MALRD1: variants seen among roughly 807,000 people sequenced by gnomAD.
MALRD1 encodes the protein MAM and LDL receptor class A domain containing 1, also known as MAM and LDL-receptor class A domain-containing protein 1.
In MALRD1, 247 loss-of-function variants were observed where a neutral mutation model predicts 242.1. The observed-to-expected ratio is 1.02, with a 90% CI of 0.92 to 1.13. MALRD1 has a LOEUF of 1.13. Among genes scored for constraint, MALRD1 ranks in the 50% most tolerant of loss-of-function variants. MALRD1 has a pLI of 0.00. For missense variants in MALRD1, 2,989 were observed against 2,533.1 expected (o/e 1.18, Z -3.86); for synonymous variants, 995 against 866.6 (o/e 1.15, Z -2.60).
chr10:19,107,353 A>G (rs971902957), intron 5 of MALRD1, among the ~76,000 whole-genome samples: 1 of 151,906 alleles, frequency 6.6e-6, no homozygotes, highest in Non-Finnish European at 1.5e-5. Flanking sequence ...TCCTTTTTCT[A>G]AATGGATCCC....
At chr10:19,280,728 A>G (rs1225827268) in intron 20 of MALRD1, among the ~76,000 whole-genome samples, 1 of 152,226 alleles carries the variant, frequency 6.6e-6, no homozygotes, top group Admixed American at 6.5e-5. Context: ...CTGCCAATTC[A>G]ATGGTACCTG....
intron 21 of MALRD1, among the ~76,000 whole-genome samples, chr10:19,316,101 T>C (rs1488073730): frequency 5.3e-5 from 8 of 150,338 alleles, no homozygotes; most frequent in Non-Finnish European, 1.0e-4. Flanking sequence ...AGGAAACTCC[T>C]TAGTAAATTT....
chr10:19,241,932 ATC>A (rs1478931150), intron 18 of MALRD1, among the ~76,000 whole-genome samples: 1 of 152,120 alleles, frequency 6.6e-6, no homozygotes, highest in Non-Finnish European at 1.5e-5. Context: ...TTCATATGAT[ATC>A]TGTCTTCTTA....
chr10:19,164,567 G>A lies in MALRD1; in HGVS notation c.1657-1070G>A, dbSNP rs550493761. Among the ~76,000 whole-genome samples, 115 of 152,230 alleles carry A rather than the reference G, an allele frequency of 7.6e-4. 1 individual carries two copies. Among genetic ancestry groups the A allele is most frequent in the African/African-American group, 2.6e-3 (107 of 41,552 alleles). ...CTTAGGACCTGTTATATGATAATGA[G>A]AAGAGGCAAAAACATTTGACTGCAG... On this transcript the variant is annotated intron_variant, in intron 12 of 39. Transcript: ENST00000454679.
At chr10:19,101,894 ATT>A (rs1836273855) in intron 4 of MALRD1, among the ~76,000 whole-genome samples, 1 of 137,576 alleles carries the variant, frequency 7.3e-6, no homozygotes, top group African/African-American at 2.6e-5. Flanking sequence ...ATTAATATAT[ATT>A]AATATATAAT....
At chr10:19,724,143 G>C (rs1834904356) in intron 38 of MALRD1, among the ~76,000 whole-genome samples, 1 of 152,016 alleles carries the variant, frequency 6.6e-6, no homozygotes, top group African/African-American at 2.4e-5. Context: ...ATGAACTATT[G>C]TAACAGTGTT....
rs142325748 is a variant in MALRD1 at position 19,665,548 on chromosome 10, A to G, written c.6138-26734A>G. On this transcript the variant is annotated intron_variant, in intron 36 of 39. Transcript: ENST00000454679. ...ATTGCCTCAAAGTGATCCTTTTTCC[A>G]AAGTGGCACATTTTAGGGTGACATA... Among the ~76,000 whole-genome samples the G allele has an allele frequency of 1.2e-3, 181 of 152,126 alleles. 2 individuals are homozygous for G. In the East Asian group the frequency reaches 0.028, roughly 24 times the overall value.
chr10:19,383,163 T>C (rs924513353), intron 26 of MALRD1, among the ~76,000 whole-genome samples: 1 of 152,136 alleles, frequency 6.6e-6, no homozygotes, highest in African/African-American at 2.4e-5. Flanking sequence ...GTAATCAACA[T>C]AGTACCTGAT....
chr10:19,108,402 T>C (rs1294715355), intron 5 of MALRD1, among the ~76,000 whole-genome samples: 2 of 15,018 alleles, frequency 1.3e-4, no homozygotes, highest in Non-Finnish European at 1.1e-4. Flanking sequence ...TTTTTTTTTT[T>C]TTTTTTTTTT....
In MALRD1 at chr10:19,448,912, A is replaced by G. The variant is rs137946459; in HGVS notation, c.4846-1395A>G. ...ACTGAATTCACTTCATAAATCCTTT[A>G]TTACATCCATCAGGGATAAGTGATT... On this transcript the variant is annotated intron_variant, in intron 28 of 39. Transcript: ENST00000454679. Among the ~76,000 whole-genome samples the G allele has an allele frequency of 2.1e-3, 320 of 152,144 alleles. 1 individual carries two copies. The highest frequency in any genetic ancestry group is 7.3e-3 in the African/African-American group (303 of 41,520).
chr10:19,688,308 C>G (rs1179681638), intron 36 of MALRD1, among the ~76,000 whole-genome samples: 6 of 151,806 alleles, frequency 4.0e-5, no homozygotes, highest in Non-Finnish European at 8.8e-5. Flanking sequence ...CTTGCTCTGT[C>G]ACCCATGTTG....
At chr10:19,145,151 C>G (rs185857066) in intron 10 of MALRD1, among the ~76,000 whole-genome samples, 2 of 152,082 alleles carry the variant, frequency 1.3e-5, no homozygotes, top group South Asian at 2.1e-4. Flanking sequence ...TTCTCGAAAG[C>G]AGAAATCAAG....
chr10:19,238,535 TATATA>T (rs1838578940), intron 18 of MALRD1, among the ~76,000 whole-genome samples: 2 of 69,858 alleles, frequency 2.9e-5, no homozygotes, highest in Non-Finnish European at 5.9e-5. Flanking sequence ...TAATATACAT[TATATA>T]TAATATATAA....
chr10:19,441,594 G>A (rs566320570), intron 28 of MALRD1, among the ~76,000 whole-genome samples: 4 of 152,096 alleles, frequency 2.6e-5, no homozygotes, highest in South Asian at 4.1e-4. Flanking sequence ...TTATTAAATA[G>A]GGAATCCTTC....
At chr10:19,491,370 G>A in intron 29 of MALRD1, 147 bp from the exon 30 acceptor site, 1 of 929,656 alleles carries the variant, frequency 1.1e-6, no homozygotes, top group Non-Finnish European at 1.6e-6. Flanking sequence ...GACTGAGAAA[G>A]AGGAAGTTGG....
chr10:19,471,492 G>T (rs1273158401), intron 29 of MALRD1, among the ~76,000 whole-genome samples: 1 of 151,690 alleles, frequency 6.6e-6, no homozygotes, highest in Non-Finnish European at 1.5e-5. Context: ...TTTGGATGTG[G>T]ATTGCACTGA....
chr10:19,228,057 A>C (rs1837876260), intron 18 of MALRD1, among the ~76,000 whole-genome samples: 2 of 152,174 alleles, frequency 1.3e-5, no homozygotes, highest in South Asian at 4.1e-4. Flanking sequence ...GTTTCTTTTA[A>C]TGTTAAACTT....
At chr10:19,168,838 G>T (rs963728452) in intron 13 of MALRD1, among the ~76,000 whole-genome samples, 1 of 151,968 alleles carries the variant, frequency 6.6e-6, no homozygotes, top group Non-Finnish European at 1.5e-5. Flanking sequence ...GAGTTCTTTC[G>T]AGGCCTCGGT....
chr10:19,406,972 C>T (rs1423921541), intron 28 of MALRD1, among the ~76,000 whole-genome samples: 1 of 151,960 alleles, frequency 6.6e-6, no homozygotes, highest in Non-Finnish European at 1.5e-5. Flanking sequence ...TCGTGTATAC[C>T]TTCCACCACC....
Sources: allele counts gnomAD v4.1 joint callset (sites outside exome capture counted in the v4.1 genomes callset), GRCh38; gene constraint gnomAD v4.1.1; transcripts MANE v1.5; gene names NCBI Gene and HGNC (gene_info 2026-07-23, HGNC 2026-07-21).